Variants in ST6GALNAC3 observed in about 807,000 individuals in gnomAD.
The protein encoded by ST6GALNAC3 is alpha-N-acetylgalactosaminide alpha-2,6-sialyltransferase 3.
A neutral mutation model predicts 32.7 loss-of-function variants in ST6GALNAC3; 25 were observed. The observed-to-expected ratio is 0.76, with a 90% CI of 0.56 to 1.07. The LOEUF (loss-of-function observed/expected upper bound fraction) is 1.07, where lower values mean the gene tolerates loss of function less well. ST6GALNAC3 is among the 50% of genes least tolerant of loss of function. The pLI is 0.00. For missense variants in ST6GALNAC3, 355 were observed against 382.4 expected (o/e 0.93, Z 0.60); for synonymous variants, 129 against 133.1 (o/e 0.97, Z 0.21).
At chr1:76,142,023 A>G (rs1210918768) in intron 1 of ST6GALNAC3, among the ~76,000 whole-genome samples, 4 of 152,234 alleles carry the variant, frequency 2.6e-5, no homozygotes, top group Non-Finnish European at 4.4e-5. Context: ...CAAAGGGATC[A>G]GTTAGTGGAG....
intron 3 of ST6GALNAC3, among the ~76,000 whole-genome samples, chr1:76,494,939 T>C (rs1479882859): frequency 1.3e-5 from 2 of 152,100 alleles, no homozygotes; most frequent in East Asian, 1.9e-4. Context: ...TCAGTTTGAG[T>C]CTGAAGGCTG....
chr1:76,131,879 G>A (rs1200098889), intron 1 of ST6GALNAC3, among the ~76,000 whole-genome samples: 1 of 152,118 alleles, frequency 6.6e-6, no homozygotes, highest in East Asian at 1.9e-4. Context: ...GGTGACCCTG[G>A]TTTTCAGTGT....
chr1:76,269,413 T>C (rs935046904), intron 1 of ST6GALNAC3, among the ~76,000 whole-genome samples: 3 of 152,252 alleles, frequency 2.0e-5, no homozygotes, highest in Non-Finnish European at 2.9e-5. Flanking sequence ...CAGTCACTTG[T>C]GGCCATGCTG....
chr1:76,134,101 C>T (rs1649785226), intron 1 of ST6GALNAC3, among the ~76,000 whole-genome samples: 2 of 152,204 alleles, frequency 1.3e-5, no homozygotes, highest in Non-Finnish European at 2.9e-5. Context: ...GACTCTGAGG[C>T]CAAGGAATAG....
chr1:76,522,504 T>TTA (rs1399486837), intron 3 of ST6GALNAC3, among the ~76,000 whole-genome samples: 1 of 152,226 alleles, frequency 6.6e-6, no homozygotes, highest in African/African-American at 2.4e-5. Flanking sequence ...GGGTCTTTTC[T>TTA]ATTGACTGTC....
chr1:76,502,736 C>G (rs1456110916), intron 3 of ST6GALNAC3, among the ~76,000 whole-genome samples: 2 of 152,084 alleles, frequency 1.3e-5, no homozygotes, highest in African/African-American at 4.8e-5. Flanking sequence ...TTTAAAAGGG[C>G]ACAATTCAAC....
chr1:76,432,595 C>G (rs984067757), intron 3 of ST6GALNAC3, among the ~76,000 whole-genome samples: 2 of 151,830 alleles, frequency 1.3e-5, no homozygotes, highest in African/African-American at 2.4e-5. Flanking sequence ...GCTGGAAATA[C>G]AGGCGTGTGC....
In ST6GALNAC3 at chr1:76,224,372, G is replaced by C. The variant is rs2631787; in HGVS notation, c.19-89433G>C. Among the ~76,000 whole-genome samples the C allele has an allele frequency of 8.4e-3, 1,273 of 152,300 alleles. 21 individuals are homozygous for C. The highest frequency in any genetic ancestry group is 0.029 in the African/African-American group (1,217 of 41,568). On this transcript the variant is annotated intron_variant, in intron 1 of 4. Transcript: ENST00000328299. ...GCCCAGAGGAAGGTACTGGCCCAGA[G>C]TAAATGCTCATTAAATATTGTGAAT...
chr1:76,487,101 A>C (rs554084592), intron 3 of ST6GALNAC3, among the ~76,000 whole-genome samples: 2 of 152,294 alleles, frequency 1.3e-5, no homozygotes, highest in South Asian at 4.1e-4. Flanking sequence ...ATCAGCTGTT[A>C]GTCTGATAGC....
chr1:76,222,107 T>C (rs1655805888), intron 1 of ST6GALNAC3, among the ~76,000 whole-genome samples: 1 of 152,196 alleles, frequency 6.6e-6, no homozygotes, highest in African/African-American at 2.4e-5. Context: ...GTGAAAGTTC[T>C]ATCTCTAAGC....
intron 3 of ST6GALNAC3, among the ~76,000 whole-genome samples, chr1:76,482,558 A>G (rs1365025682): frequency 6.6e-6 from 1 of 152,104 alleles, no homozygotes; most frequent in African/African-American, 2.4e-5. Context: ...TAATACAACA[A>G]TTTTTAACAA....
chr1:76,304,093 T>C (rs1660892778), intron 1 of ST6GALNAC3, among the ~76,000 whole-genome samples: 1 of 152,096 alleles, frequency 6.6e-6, no homozygotes, highest in South Asian at 2.1e-4. Context: ...AATCTGAATC[T>C]GAAATTTTTG....
rs547177420 is a variant in ST6GALNAC3, at chr1:76,518,797, G to A, written c.623+106380G>A. On this transcript the variant is annotated intron_variant, in intron 3 of 4. Transcript: ENST00000328299. ...AGTGTCATTTAGTGGGGGCGCAGTG[G>A]CTCATGCCTGTAATCCCAGCACTTT... Among the ~76,000 whole-genome samples, 15 of 152,286 alleles carry A rather than the reference G, an allele frequency of 9.8e-5. No homozygotes were observed. The South Asian group carries it at 2.5e-3, about 25-fold the overall frequency.
At chr1:76,518,368 T>G (rs1662299622) in intron 3 of ST6GALNAC3, among the ~76,000 whole-genome samples, 1 of 152,110 alleles carries the variant, frequency 6.6e-6, no homozygotes, top group Admixed American at 6.5e-5. Flanking sequence ...CTGACATGGC[T>G]TCTATTTTTA....
At chr1:76,167,423 A>T (rs538670048) in intron 1 of ST6GALNAC3, among the ~76,000 whole-genome samples, 12 of 150,490 alleles carry the variant, frequency 8.0e-5, no homozygotes, top group African/African-American at 2.9e-4. Flanking sequence ...GTTGATATTC[A>T]TCCAGGCTAT....
chr1:76,390,944 G>GTTTTTTTTTTTTT (rs1437847135), intron 2 of ST6GALNAC3, among the ~76,000 whole-genome samples: 1 of 97,804 alleles, frequency 1.0e-5, no homozygotes, highest in African/African-American at 4.6e-5. Flanking sequence ...ATATATATAT[G>GTTTTTTTTTTTTT]TATTTTTTTT....
chr1:76,405,556 A>G (rs116079969), intron 2 of ST6GALNAC3, among the ~76,000 whole-genome samples: 18 of 151,882 alleles, frequency 1.2e-4, no homozygotes, highest in Admixed American at 2.0e-4. Flanking sequence ...TAGGAGAGTG[A>G]GCAATCACAT....
chr1:76,275,231 T>C (rs1486430800), intron 1 of ST6GALNAC3, among the ~76,000 whole-genome samples: 1 of 152,232 alleles, frequency 6.6e-6, no homozygotes, highest in African/African-American at 2.4e-5. Flanking sequence ...TAAACCTGTA[T>C]GAGCATGAAA....
intron 2 of ST6GALNAC3, among the ~76,000 whole-genome samples, chr1:76,371,734 G>A (rs1650836966): frequency 6.6e-6 from 1 of 152,168 alleles, no homozygotes; most frequent in Non-Finnish European, 1.5e-5. Flanking sequence ...GCAGCAATGT[G>A]GCCATCCCAG....
Sources: allele counts gnomAD v4.1 joint callset (sites outside exome capture counted in the v4.1 genomes callset), GRCh38; gene constraint gnomAD v4.1.1; transcripts MANE v1.5; gene names NCBI Gene and HGNC (gene_info 2026-07-23, HGNC 2026-07-21).